Variants in NTRK3 observed in about 807,000 individuals in gnomAD.
NTRK3 encodes NT-3 growth factor receptor.
Under a neutral mutation model 91.7 loss-of-function variants are expected in NTRK3, and 24 were observed. That is an observed-to-expected ratio of 0.26 (90% CI 0.19 to 0.37). The LOEUF is 0.37. NTRK3 is among the 10% of genes least tolerant of loss of function. The probability of loss-of-function intolerance (pLI) is 1.00; values close to 1 mark genes in which losing one functional copy is unlikely to be tolerated. For synonymous variants in NTRK3, 483 were observed against 404.0 expected (o/e 1.20, Z -2.34); for missense variants, 880 against 1,068.9 (o/e 0.82, Z 2.46).
chr15:87,877,198 A>G, intron 18 of NTRK3, 78 bp from the exon 20 acceptor site: 1 of 1,463,240 alleles, frequency 6.8e-7, no homozygotes, highest in Non-Finnish European at 9.4e-7. Context: ...GCAAAAAGCA[A>G]CAACTTCCCG....
chr15:87,932,438 A>G (rs890299936), intron 16 of NTRK3, among the ~76,000 whole-genome samples: 1 of 152,142 alleles, frequency 6.6e-6, no homozygotes, highest in Non-Finnish European at 1.5e-5. Context: ...TGTAAATCTA[A>G]ATTTAAGTGG....
intron 14 of NTRK3, among the ~76,000 whole-genome samples, chr15:88,002,910 G>T (rs1359272127): frequency 6.6e-6 from 1 of 152,084 alleles, no homozygotes; most frequent in Non-Finnish European, 1.5e-5. Context: ...ACCTTTGCCA[G>T]CAAGCTCAAA....
At chr15:88,108,311 T>C (rs2050932914) in intron 13 of NTRK3, among the ~76,000 whole-genome samples, 1 of 152,206 alleles carries the variant, frequency 6.6e-6, no homozygotes, top group Non-Finnish European at 1.5e-5. Context: ...TCACTGTCAC[T>C]ACCTGCCCGG....
intron 3 of NTRK3, among the ~76,000 whole-genome samples, chr15:88,207,058 C>T (rs2048856648): frequency 6.6e-6 from 1 of 152,170 alleles, no homozygotes; most frequent in Non-Finnish European, 1.5e-5. Flanking sequence ...GAGTCACTGG[C>T]TTAGCGTCTA....
chr15:87,919,134 A>T (rs1471697879), intron 17 of NTRK3, among the ~76,000 whole-genome samples: 1 of 152,190 alleles, frequency 6.6e-6, no homozygotes, highest in Non-Finnish European at 1.5e-5. Context: ...TAGAAGAAAG[A>T]TGAGAAATGT....
exon 19 of NTRK3, chr15:87,860,660 G>A (rs2064501787): frequency 4.8e-6 from 1 of 207,316 alleles, no homozygotes; most frequent in African/African-American, 2.3e-5. Flanking sequence ...AGGAATGAAG[G>A]GAACAGCACC....
intron 17 of NTRK3, chr15:87,928,924 G>A (rs562079458): frequency 1.5e-5 from 9 of 595,638 alleles, no homozygotes; most frequent in South Asian, 6.0e-5. Flanking sequence ...ATTGAAGCAC[G>A]TAAGAACACA....
At chr15:87,977,068 C>T (rs924801614) in intron 14 of NTRK3, among the ~76,000 whole-genome samples, 1 of 152,334 alleles carries the variant, frequency 6.6e-6, no homozygotes, top group Non-Finnish European at 1.5e-5. Context: ...AGATTTGAAT[C>T]TTGCTTTCAC....
intron 14 of NTRK3, among the ~76,000 whole-genome samples, chr15:87,964,733 ATC>A (rs2072635524): frequency 6.6e-6 from 1 of 152,204 alleles, no homozygotes; most frequent in South Asian, 2.1e-4. Context: ...CACAAATGGC[ATC>A]ATAGAAAATG....
At chr15:87,911,152 C>T (rs2067067464) in intron 17 of NTRK3, among the ~76,000 whole-genome samples, 1 of 152,126 alleles carries the variant, frequency 6.6e-6, no homozygotes, top group East Asian at 1.9e-4. Context: ...AGACAAGAGA[C>T]AGGGCAAGTG....
chr15:88,175,383 G>GAT (rs750115013), intron 5 of NTRK3, among the ~76,000 whole-genome samples: 1 of 146,048 alleles, frequency 6.8e-6, no homozygotes, highest in Admixed American at 6.9e-5. Context: ...CAGAGAGATA[G>GAT]AGAGAGAGAG....
intron 14 of NTRK3, among the ~76,000 whole-genome samples, chr15:87,973,901 C>T (rs925140205): frequency 6.6e-5 from 10 of 152,138 alleles, no homozygotes; most frequent in East Asian, 1.9e-4. Context: ...CAGCAATGTG[C>T]GAGTCTAGCC....
At chr15:87,931,958 C>A (rs1160051436) in intron 16 of NTRK3, among the ~76,000 whole-genome samples, 1 of 152,148 alleles carries the variant, frequency 6.6e-6, no homozygotes, top group Non-Finnish European at 1.5e-5. Flanking sequence ...GAGGCCACAC[C>A]CTAAGTATAC....
At chr15:88,195,792 T>G (rs536069566) in intron 3 of NTRK3, among the ~76,000 whole-genome samples, 4 of 152,192 alleles carry the variant, frequency 2.6e-5, no homozygotes, top group African/African-American at 9.7e-5. Context: ...GGGAAAAGCC[T>G]GAGTGAGAAG....
chr15:87,875,525 T>C (rs992582055), exon 19 of NTRK3: 7 of 232,512 alleles, frequency 3.0e-5, no homozygotes, highest in Admixed American at 2.3e-4. Flanking sequence ...TGGCCGCTCA[T>C]TGGACATCTC....
At chr15:88,033,709 TACTC>T (rs2078812799) in intron 13 of NTRK3, among the ~76,000 whole-genome samples, 1 of 152,140 alleles carries the variant, frequency 6.6e-6, no homozygotes, top group Non-Finnish European at 1.5e-5. Context: ...TCTTGAGAAT[TACTC>T]ACCTATCAAA....
chr15:88,164,207 C>T (rs1310007891), intron 5 of NTRK3, among the ~76,000 whole-genome samples: 1 of 152,244 alleles, frequency 6.6e-6, no homozygotes, highest in Admixed American at 6.5e-5. Context: ...GTCTTGGCCC[C>T]TTGCTGGACC....
intron 13 of NTRK3, among the ~76,000 whole-genome samples, chr15:88,094,907 T>C (rs1193514082): frequency 2.0e-5 from 3 of 152,248 alleles, no homozygotes; most frequent in Admixed American, 6.5e-5. Flanking sequence ...AGACTGAATC[T>C]GATTGGCCAA....
intron 3 of NTRK3, among the ~76,000 whole-genome samples, chr15:88,186,406 T>C (rs768192805): frequency 2.6e-5 from 4 of 152,202 alleles, no homozygotes; most frequent in South Asian, 2.1e-4. Context: ...CACTGAGATA[T>C]GGCAGAGAAA....
Sources: gnomAD v4.1 joint callset for allele counts (sites outside exome capture counted in the v4.1 genomes callset) on GRCh38, gnomAD v4.1.1 for gene constraint, MANE v1.5 for transcripts, NCBI Gene and HGNC (gene_info 2026-07-23, HGNC 2026-07-21) for gene names.